The following ERC1 variants were observed in gnomAD, a reference collection of about 807,000 sequenced individuals.
ERC1 encodes the protein RAB6 interacting protein 2.
A neutral mutation model predicts 132.0 loss-of-function variants in ERC1; 56 were observed. The ratio of observed to expected loss-of-function variants is 0.42; its 90% CI spans 0.34 to 0.53. The LOEUF is 0.53. Ranked by LOEUF, ERC1 falls within the 20% of genes least tolerant of loss-of-function variation. ERC1 has a pLI of 0.03. For synonymous variants in ERC1, 478 were observed against 476.1 expected, an observed-to-expected ratio of 1.00 and a Z score of -0.05; for missense variants, 1,202 against 1,349.9, an observed-to-expected ratio of 0.89 and a Z score of 1.72.
Position 1,146,308 on chromosome 12 carries a change from GTTTTTTTTT to G in ERC1, c.1737+4538_1737+4546del, listed in dbSNP as rs1172108036. On this transcript the variant is annotated intron_variant, in intron 8 of 18. Coordinates refer to ENST00000360905, the MANE Select transcript of ERC1 (RefSeq NM_178040.4). ...ATTTCCTTGTTTAGGTATTTTACTG[GTTTTTTTTT>G]TTTTTTTTTTTTTTTTGCAGTTATT... 5.1e-3 allele frequency among the ~76,000 whole-genome samples: 161 copies of G among 31,804 alleles called. 2 individuals are homozygous for G. The highest frequency in any genetic ancestry group is 7.6e-3 in the African/African-American group (61 of 8,002). 20.9% of individuals were successfully genotyped at this position (31,804 alleles called of 152,430 possible). A position where few individuals can be genotyped will look rare whatever the true frequency, so the allele number is the denominator to read the frequency against.
intron 12 of ERC1, chr12:1,204,568 T>C: frequency 6.7e-7 from 1 of 1,497,914 alleles, no homozygotes; most frequent in South Asian, 1.2e-5. Flanking sequence ...TTTGCGAATA[T>C]TGTCTTGAAT....
chr12:1,397,681 A>C (rs1430742014), intron 16 of ERC1, among the ~76,000 whole-genome samples: 1 of 152,208 alleles, frequency 6.6e-6, no homozygotes, highest in East Asian at 1.9e-4. Flanking sequence ...TTACCCAAAA[A>C]AGTTACCTCT....
chr12:1,369,929 A>C (rs2087028103), intron 15 of ERC1, among the ~76,000 whole-genome samples: 1 of 152,230 alleles, frequency 6.6e-6, no homozygotes. Context: ...GTAGACCTAC[A>C]CATCCAGAAT....
intron 17 of ERC1, among the ~76,000 whole-genome samples, chr12:1,415,996 C>T (rs892651506): frequency 3.3e-5 from 5 of 152,192 alleles, no homozygotes; most frequent in African/African-American, 9.7e-5. Flanking sequence ...AGCTAACAAG[C>T]GGCAGATATT....
At chr12:1,001,970 C>T (rs939836490) in intron 1 of ERC1, among the ~76,000 whole-genome samples, 4 of 149,476 alleles carry the variant, frequency 2.7e-5, no homozygotes, top group Non-Finnish European at 5.9e-5. Flanking sequence ...AAGTGATTCT[C>T]CTGCCCCAGC....
chr12:1,041,049 A>G (rs527301342), intron 2 of ERC1, among the ~76,000 whole-genome samples: 8 of 152,164 alleles, frequency 5.3e-5, no homozygotes, highest in Non-Finnish European at 1.0e-4. Context: ...AAGGACCCCA[A>G]GCAGCTTTTG....
chr12:1,285,185 T>C (rs1380560745), intron 14 of ERC1, among the ~76,000 whole-genome samples: 2 of 152,202 alleles, frequency 1.3e-5, no homozygotes, highest in East Asian at 1.9e-4. Flanking sequence ...TCAATAAAAT[T>C]GCATTTATAT....
chr12:1,068,911 G>T (rs1259340233), intron 2 of ERC1, among the ~76,000 whole-genome samples: 3 of 152,126 alleles, frequency 2.0e-5, no homozygotes, highest in African/African-American at 7.2e-5. Flanking sequence ...CTTGAAAATG[G>T]CAGTAAGTGG....
intron 18 of ERC1, among the ~76,000 whole-genome samples, chr12:1,469,937 G>A (rs970622902): frequency 6.8e-6 from 1 of 146,686 alleles, no homozygotes; most frequent in African/African-American, 2.5e-5. Context: ...CCATGAACTG[G>A]GCAGGTATGC....
intron 15 of ERC1, among the ~76,000 whole-genome samples, chr12:1,295,834 T>C (rs1023716026): frequency 1.1e-4 from 16 of 152,038 alleles, no homozygotes; most frequent in Non-Finnish European, 2.2e-4. Flanking sequence ...CTGACTTATA[T>C]GTACTAGAAT....
chr12:1,004,691 C>T (rs540493582), intron 1 of ERC1, among the ~76,000 whole-genome samples: 1 of 151,964 alleles, frequency 6.6e-6, no homozygotes, highest in Non-Finnish European at 1.5e-5. Context: ...AGGTGTGAGC[C>T]ACCATGCTCA....
Position 1,452,732 on chromosome 12 carries a change from T to C in ERC1, c.3213+7982T>C, listed in dbSNP as rs141609396. Among the ~76,000 whole-genome samples, 556 of 152,364 alleles carry C rather than the reference T, an allele frequency of 3.6e-3. 4 individuals carry two copies. Among genetic ancestry groups the C allele is most frequent in the African/African-American group, 0.013 (527 of 41,588 alleles). Reference sequence around the variant, plus strand: ...CTTTTTGTGTGTGTGTCATAATTTTTTATTAAATGTTAAATAGTCTAAGTA... The same window carrying C: ...CTTTTTGTGTGTGTGTCATAATTTTCTATTAAATGTTAAATAGTCTAAGTA... On this transcript the variant is annotated intron_variant, in intron 18 of 18. Transcript: ENST00000360905.
intron 13 of ERC1, among the ~76,000 whole-genome samples, chr12:1,258,334 A>G (rs941308943): frequency 2.0e-5 from 3 of 152,270 alleles, no homozygotes; most frequent in Non-Finnish European, 4.4e-5. Flanking sequence ...GTTTATCATG[A>G]AGGTTGGTGA....
At chr12:1,425,635 G>A (rs1221221035) in intron 17 of ERC1, among the ~76,000 whole-genome samples, 1 of 152,180 alleles carries the variant, frequency 6.6e-6, no homozygotes, top group African/African-American at 2.4e-5. Context: ...AGACAATGTT[G>A]ATCTGTTTAC....
At chr12:1,331,892 A>G (rs531279339) in intron 15 of ERC1, among the ~76,000 whole-genome samples, 1 of 152,260 alleles carries the variant, frequency 6.6e-6, no homozygotes, top group South Asian at 2.1e-4. Context: ...ATTGCTATGT[A>G]TTTTATATCT....
chr12:1,298,014 C>T (rs975952556), intron 15 of ERC1, among the ~76,000 whole-genome samples: 2 of 151,926 alleles, frequency 1.3e-5, no homozygotes, highest in African/African-American at 4.8e-5. Context: ...ATCACTTGAG[C>T]CCAGGATTTT....
At chr12:1,084,743 G>A (rs1203783991) in intron 3 of ERC1, among the ~76,000 whole-genome samples, 2 of 151,830 alleles carry the variant, frequency 1.3e-5, no homozygotes, top group Non-Finnish European at 2.9e-5. Context: ...TCAGGCTGGA[G>A]TGCAGTGGCA....
At chr12:1,155,314 C>CAA (rs151006544) in intron 8 of ERC1, among the ~76,000 whole-genome samples, 1,019 of 54,686 alleles carry the variant, frequency 0.019, 28 homozygotes, top group Admixed American at 0.026. Flanking sequence ...GACTTCATCT[C>CAA]AAAAAAAAAA....
intron 17 of ERC1, among the ~76,000 whole-genome samples, chr12:1,408,693 C>G (rs1238516184): frequency 2.0e-5 from 3 of 152,190 alleles, no homozygotes; most frequent in Admixed American, 2.0e-4. Context: ...TGCTCATTAC[C>G]TATTAAAAGT....
Sources: allele counts gnomAD v4.1 joint callset (sites outside exome capture counted in the v4.1 genomes callset), GRCh38; gene constraint gnomAD v4.1.1; transcripts MANE v1.5; gene names NCBI Gene and HGNC (gene_info 2026-07-23, HGNC 2026-07-21).